CPM: variants seen among roughly 807,000 people sequenced by gnomAD.
CPM encodes renal carboxypeptidase.
A neutral mutation model predicts 46.4 loss-of-function variants in CPM; 35 were observed. The observed-to-expected ratio is 0.75, with a 90% CI of 0.58 to 1.00. The LOEUF is 1.00. CPM is among the 50% of genes least tolerant of loss of function. CPM has a pLI of 0.00. For missense variants in CPM, 422 were observed against 530.4 expected (o/e 0.80, Z 2.01); for synonymous variants, 195 against 195.3 (o/e 1.00, Z 0.01).
At chr12:68,862,730 C>A (rs1302268233) in intron 7 of CPM, among the ~76,000 whole-genome samples, 1 of 92,276 alleles carries the variant, frequency 1.1e-5, no homozygotes, top group Non-Finnish European at 2.4e-5. Context: ...TACCACCAAA[C>A]CTTTTACTTA....
intron 2 of CPM, among the ~76,000 whole-genome samples, chr12:68,904,640 T>C (rs575784683): frequency 6.6e-6 from 1 of 152,240 alleles, no homozygotes; most frequent in South Asian, 2.1e-4. Flanking sequence ...TTAGATGAGC[T>C]CTTGAAGACC....
At chr12:68,959,757 A>T (rs1054810153) in intron 1 of CPM, among the ~76,000 whole-genome samples, 1 of 152,256 alleles carries the variant, frequency 6.6e-6, no homozygotes, top group Admixed American at 6.5e-5. Context: ...GAAGTGAAGC[A>T]CAAACTCTGG....
intron 2 of CPM, among the ~76,000 whole-genome samples, chr12:68,902,958 T>G (rs1214922063): frequency 1.3e-5 from 2 of 152,216 alleles, no homozygotes; most frequent in African/African-American, 4.8e-5. Context: ...TGACAAAAAG[T>G]CACTATTAAC....
intron 8 of CPM, among the ~76,000 whole-genome samples, chr12:68,857,277 C>T (rs1885021278): frequency 6.6e-6 from 1 of 151,908 alleles, no homozygotes; most frequent in African/African-American, 2.4e-5. Flanking sequence ...TCTCCTACCT[C>T]AGCCTCCCAA....
At chr12:68,913,374 C>T (rs75601943) in intron 2 of CPM, among the ~76,000 whole-genome samples, 1 of 152,270 alleles carries the variant, frequency 6.6e-6, no homozygotes, top group Non-Finnish European at 1.5e-5. Context: ...GTAACTCTGT[C>T]TGCCCAGAGC....
chr12:68,915,791 A>C (rs765544624), intron 2 of CPM, among the ~76,000 whole-genome samples: 1 of 152,254 alleles, frequency 6.6e-6, no homozygotes. Context: ...GCTAAAAGAC[A>C]CATTTGGGTT....
intron 2 of CPM, among the ~76,000 whole-genome samples, chr12:68,904,037 C>T (rs1425613832): frequency 6.6e-6 from 1 of 152,136 alleles, no homozygotes; most frequent in Admixed American, 6.6e-5. Context: ...CAGGCATGCG[C>T]CACTATACCT....
intron 1 of CPM, among the ~76,000 whole-genome samples, chr12:68,946,971 A>C (rs142040671): frequency 6.6e-6 from 1 of 152,212 alleles, no homozygotes; most frequent in Non-Finnish European, 1.5e-5. Context: ...TAAAAAGATT[A>C]TTTTGGTCTT....
At chr12:68,956,691 T>C (rs1445893546) in intron 1 of CPM, among the ~76,000 whole-genome samples, 1 of 152,258 alleles carries the variant, frequency 6.6e-6, no homozygotes, top group Non-Finnish European at 1.5e-5. Context: ...GAACAAGTTA[T>C]CAGGAGCCAA....
chr12:68,884,293 T>C (rs1002119405), intron 3 of CPM, among the ~76,000 whole-genome samples: 24 of 152,168 alleles, frequency 1.6e-4, no homozygotes, highest in African/African-American at 5.5e-4. Context: ...CCGCCCGTGA[T>C]GCTCAAAAAG....
At chr12:68,849,042 G>A (rs1884517995), downstream of CPM, 1 of 151,806 alleles carries the variant, frequency 6.6e-6, no homozygotes, top group South Asian at 2.1e-4. Flanking sequence ...CACAAGGTGG[G>A]AGGTGGAAGT....
At chr12:68,845,299 G>T (rs1305682185) in intron 5 of CPM, 2 of 213,578 alleles carry the variant, frequency 9.4e-6, no homozygotes, top group East Asian at 1.4e-4. Flanking sequence ...ATATGTAAGA[G>T]GGACTTTTTG....
At chr12:68,849,400 TTG>T (rs1491305351), downstream of CPM, 66 of 109,876 alleles carry the variant, frequency 6.0e-4, no homozygotes, top group Non-Finnish European at 6.4e-4. Context: ...GTTTTTTTTT[TTG>T]TTGTTGTTGT....
intron 2 of CPM, among the ~76,000 whole-genome samples, chr12:68,919,583 C>T (rs1160467411): frequency 6.6e-6 from 1 of 152,178 alleles, no homozygotes; most frequent in Admixed American, 6.5e-5. Flanking sequence ...AACTGTATGC[C>T]ATAGAGTTTG....
chr12:68,897,723 C>T (rs1018849286), intron 2 of CPM, among the ~76,000 whole-genome samples: 4 of 124,148 alleles, frequency 3.2e-5, no homozygotes, highest in African/African-American at 6.3e-5. Flanking sequence ...GGTGACAGAG[C>T]GAGACTCCGT....
Position 68,871,770 on chromosome 12 carries a change from C to T in CPM, c.431+14G>A. 6.2e-7 allele frequency: 1 copy of T among 1,613,752 alleles called. No individual in the cohort carries two copies. The highest frequency in any genetic ancestry group is 8.5e-7 in the Non-Finnish European group (1 of 1,179,764). On this transcript the variant is annotated intron_variant, in intron 4 of 8. Transcript: ENST00000551568. ...GTGTTGTTTTCAAGTAAAGATAGAC[C>T]AGCCCCTCTTTACCTTCCGATGCTG...
At chr12:68,961,248 C>T (rs775606228) in intron 1 of CPM, among the ~76,000 whole-genome samples, 9 of 152,206 alleles carry the variant, frequency 5.9e-5, no homozygotes, top group Middle Eastern at 3.4e-3. Flanking sequence ...TGAGCTCAAG[C>T]GATCCTCCTG....
At chr12:68,951,617 A>G (rs898277234) in intron 1 of CPM, among the ~76,000 whole-genome samples, 2 of 152,180 alleles carry the variant, frequency 1.3e-5, no homozygotes, top group Non-Finnish European at 2.9e-5. Context: ...GGTTCTCATC[A>G]TCGTTAGGGT....
rs552129722 is a variant in CPM, at chr12:68,909,860, T to G, written c.160+22818A>C. ...GGGGGTGGGGGGGCTACGGGAGGGATAACATTAGGAGAAATACCTAATGTA... is the reference window on the plus strand; with the variant it reads ...GGGGGTGGGGGGGCTACGGGAGGGAGAACATTAGGAGAAATACCTAATGTA... On this transcript the variant is annotated intron_variant, in intron 2 of 8. Transcript: ENST00000551568. Among the ~76,000 whole-genome samples, 316 of 150,586 alleles carry G rather than the reference T, an allele frequency of 2.1e-3. 4 individuals carry two copies. Among genetic ancestry groups the G allele is most frequent in the African/African-American group, 6.9e-3 (283 of 40,828 alleles).
Sources: gnomAD v4.1 joint callset for allele counts (sites outside exome capture counted in the v4.1 genomes callset) on GRCh38, gnomAD v4.1.1 for gene constraint, MANE v1.5 for transcripts, NCBI Gene and HGNC (gene_info 2026-07-23, HGNC 2026-07-21) for gene names.